Variants in ZNF710 observed in about 807,000 individuals in gnomAD.
The protein encoded by ZNF710 is zinc finger protein 710.
ZNF710 carries 13 observed loss-of-function variants against 50.6 expected under a neutral mutation model. The ratio of observed to expected loss-of-function variants is 0.26; its 90% confidence interval spans 0.17 to 0.41. The LOEUF is 0.41. ZNF710 is among the 10% of genes least tolerant of loss of function. ZNF710 has a pLI of 1.00. For missense variants in ZNF710, 721 were observed against 936.6 expected, an observed-to-expected ratio of 0.77 and a Z score of 3.01; for synonymous variants, 383 against 397.0, an observed-to-expected ratio of 0.96 and a Z score of 0.42.
Position 90,034,972 on chromosome 15 carries a change from G to A in ZNF710, c.-28-32138G>A, listed in dbSNP as rs1348966592. Among the ~76,000 whole-genome samples the A allele has an allele frequency of 6.6e-6, 1 of 152,186 alleles. No homozygotes were observed. The highest frequency in any genetic ancestry group is 1.9e-4 in the East Asian group (1 of 5,180). On this transcript the variant is annotated intron_variant, in intron 1 of 4. Transcript: ENST00000268154. The surrounding 1 kb of genome is among the most constrained non-coding windows in gnomAD (Gnocchi z 4.0). ...CCCCAGGGCTTCCCTGCTGGTAGAAGGGGTGTCTGGAGGGCCTCTGCCTTC... is the reference window on the plus strand; with the variant it reads ...CCCCAGGGCTTCCCTGCTGGTAGAAAGGGTGTCTGGAGGGCCTCTGCCTTC...
chr15:90,018,671 C>T (rs1246661620), intron 1 of ZNF710, among the ~76,000 whole-genome samples: 1 of 152,230 alleles, frequency 6.6e-6, no homozygotes, highest in Non-Finnish European at 1.5e-5. Context: ...CTCACCTCCC[C>T]ACTCAGCTAC....
At chr15:90,074,062 T>C in intron 3 of ZNF710, 54 bp from the exon 4 acceptor site, 4 of 1,535,200 alleles carry the variant, frequency 2.6e-6, no homozygotes, top group Middle Eastern at 1.8e-4. Context: ...TGGGCTGGGG[T>C]CCGGGGAAAG....
chr15:90,014,363 C>T (rs1898393072), intron 1 of ZNF710, among the ~76,000 whole-genome samples: 1 of 151,768 alleles, frequency 6.6e-6, no homozygotes, highest in Non-Finnish European at 1.5e-5. Flanking sequence ...GAAGGGACTT[C>T]AAGATGGGTT....
chr15:90,079,084 C>T (rs1900660495), intron 4 of ZNF710, among the ~76,000 whole-genome samples: 1 of 152,194 alleles, frequency 6.6e-6, no homozygotes, highest in South Asian at 2.1e-4. Flanking sequence ...GGCAGGAGGC[C>T]TCACCCTCCC....
chr15:90,071,230 T>C (rs1046737785), intron 2 of ZNF710, among the ~76,000 whole-genome samples: 3 of 147,898 alleles, frequency 2.0e-5, no homozygotes, highest in South Asian at 2.1e-4. Context: ...CGCTGTACTC[T>C]AGCCTGGGCA....
intron 1 of ZNF710, among the ~76,000 whole-genome samples, chr15:90,008,540 T>C (rs1440719275): frequency 6.7e-6 from 1 of 149,978 alleles, no homozygotes; most frequent in African/African-American, 2.5e-5. Context: ...CACAGGACTT[T>C]GGGAGGCCCA....
At chr15:90,049,689 C>T (rs1482672845) in intron 1 of ZNF710, among the ~76,000 whole-genome samples, 1 of 152,130 alleles carries the variant, frequency 6.6e-6, no homozygotes, top group Non-Finnish European at 1.5e-5. Context: ...CCCTCGAGAC[C>T]CTCTTCCGTC....
In ZNF710 at chr15:90,040,706, C is replaced by T. The variant is rs117790436; in HGVS notation, c.-28-26404C>T. The stretch of plus-strand genomic sequence containing the variant: ...TAAAGCAGCAGGCCCCGCCCCACCT[C>T]GCTCCCCAACTCCAGCCCTCCAGCC... On this transcript the variant is annotated intron_variant, in intron 1 of 4. Transcript: ENST00000268154. This position sits in a 1 kb window ranked among gnomAD's most constrained non-coding sequence, Gnocchi z 4.6. 6.6e-5 allele frequency among the ~76,000 whole-genome samples: 10 copies of T among 152,332 alleles called. No individual in the cohort carries two copies. The East Asian group carries it at 1.9e-3, about 29-fold the overall frequency.
chr15:90,015,517 A>G (rs1345655725), intron 1 of ZNF710, among the ~76,000 whole-genome samples: 1 of 152,214 alleles, frequency 6.6e-6, no homozygotes, highest in African/African-American at 2.4e-5. Context: ...TGTAAAAGGA[A>G]AAGAGAAAGG....
At chr15:90,051,371 C>T (rs1036757357) in intron 1 of ZNF710, among the ~76,000 whole-genome samples, 5 of 152,132 alleles carry the variant, frequency 3.3e-5, no homozygotes, top group Non-Finnish European at 5.9e-5. Context: ...CAGTGGTTCA[C>T]GCCTGCAATC....
chr15:90,033,994 G>A (rs967264098), intron 1 of ZNF710, among the ~76,000 whole-genome samples: 2 of 152,152 alleles, frequency 1.3e-5, no homozygotes, highest in Non-Finnish European at 2.9e-5. Flanking sequence ...TTGAGGTCAG[G>A]AGTTCAAGAC....
chr15:90,012,113 G>T (rs1488671597), intron 1 of ZNF710, among the ~76,000 whole-genome samples: 1 of 151,962 alleles, frequency 6.6e-6, no homozygotes. Flanking sequence ...GCTGAGGCAT[G>T]AGAATCGCTT....
intron 2 of ZNF710, among the ~76,000 whole-genome samples, chr15:90,070,405 T>C (rs1900338093): frequency 6.7e-6 from 1 of 150,278 alleles, no homozygotes; most frequent in African/African-American, 2.5e-5. Context: ...CTGGATGCAA[T>C]GGCTAACAGT....
intron 1 of ZNF710, among the ~76,000 whole-genome samples, chr15:90,031,309 C>T (rs569124983): frequency 6.6e-6 from 1 of 152,198 alleles, no homozygotes; most frequent in African/African-American, 2.4e-5. Flanking sequence ...TGAAATGTAC[C>T]CTGGGGGGAT....
rs200749761 is a variant in ZNF710, at chr15:90,079,727, C to T, written c.1893C>T (p.Phe631=). The T allele has an allele frequency of 9.9e-6, 16 of 1,613,784 alleles. No individual in the cohort carries two copies. The highest frequency in any genetic ancestry group is 4.5e-5 in the East Asian group (2 of 44,890). ...ELDGQQEMED[F]EENAYSYASV... ...ACGGCCAGCAGGAGATGGAGGACTT[C>T]GAGGAGAACGCCTACAGCTATGCGA... The change falls in exon 5 of 5, where the codon TTC becomes TTT. Residue 631 remains phenylalanine (F), a synonymous_variant. Coordinates refer to ENST00000268154, the MANE Select transcript of ZNF710 (RefSeq NM_198526.4).
chr15:90,002,118 C>T (rs537777113), intron 1 of ZNF710, among the ~76,000 whole-genome samples: 6 of 151,560 alleles, frequency 4.0e-5, no homozygotes, highest in African/African-American at 7.2e-5. Flanking sequence ...GCGCTCCCCC[C>T]ACACCCGGCC....
Position 90,024,426 on chromosome 15 carries a change from C to T in ZNF710, c.-29+22812C>T, listed in dbSNP as rs528653014. ...CCAGTTGAGACAGCTGATGGCCCCC[C>T]ACCTGTGCTTCTTCCTCCCATCTGG... On this transcript the variant is annotated intron_variant, in intron 1 of 4. Coordinates refer to ENST00000268154, the MANE Select transcript of ZNF710 (RefSeq NM_198526.4). Among the ~76,000 whole-genome samples, 10 of 152,344 alleles carry T rather than the reference C, an allele frequency of 6.6e-5. No individual in the cohort carries two copies. In the South Asian group the frequency reaches 1.2e-3, roughly 19 times the overall value.
At position 90,033,282 on chromosome 15, in the gene ZNF710, G is replaced by A. The variant is rs1282404233; in HGVS notation, c.-29+31668G>A. Among the ~76,000 whole-genome samples the A allele has an allele frequency of 2.0e-5, 3 of 152,266 alleles. No individual in the cohort carries two copies. The East Asian group carries it at 5.8e-4, about 29-fold the overall frequency. On this transcript the variant is annotated intron_variant, in intron 1 of 4. Coordinates refer to ENST00000268154, the MANE Select transcript of ZNF710 (RefSeq NM_198526.4). ...TGCTTGTTGATGTTAGATCTGAGAG[G>A]GATTAAGGATTAAGATGAATCAAAC...
At chr15:90,001,711 C>T (rs1898015968) in intron 1 of ZNF710, 97 bp downstream of exon 1, 2 of 141,022 alleles carry the variant, frequency 1.4e-5, no homozygotes, top group East Asian at 2.1e-4. Context: ...GGGGGTGGGT[C>T]GCTGCGGCCG....
Sources: gnomAD v4.1 joint callset for allele counts (sites outside exome capture counted in the v4.1 genomes callset) on GRCh38, gnomAD v4.1.1 for gene constraint, Gnocchi (gnomAD v3.1) non-coding constraint, MANE v1.5 for transcripts, NCBI Gene and HGNC (gene_info 2026-07-23, HGNC 2026-07-21) for gene names.